The following BCL6 variants were observed in gnomAD, a reference collection of about 807,000 sequenced individuals.
BCL6 encodes the protein B-cell lymphoma 6 protein.
Under a neutral mutation model 59.5 loss-of-function variants are expected in BCL6, and 7 were observed. The observed-to-expected ratio is 0.12, with a 90% confidence interval of 0.07 to 0.22. The LOEUF (loss-of-function observed/expected upper bound fraction) is 0.22. BCL6 is among the 10% of genes least tolerant of loss of function. The pLI, the probability that BCL6 is intolerant of heterozygous loss-of-function variation, is 1.00. For missense variants in BCL6, 685 were observed against 939.4 expected (o/e 0.73, Z 3.54); for synonymous variants, 339 against 349.7 (o/e 0.97, Z 0.34).
chr3:187,731,577 G>A lies in BCL6; in HGVS notation c.383+132C>T, dbSNP rs1719044343. 3.4e-6 allele frequency: 3 copies of A among 871,148 alleles called. No individual in the cohort carries two copies. In the Admixed American group the frequency reaches 6.4e-5, roughly 19 times the overall value. 54.0% of individuals were successfully genotyped at this position (871,148 alleles called of 1,614,324 possible). ...CAAGAGTTAAGAAGAGCAGAAGTGT[G>A]CAACAAGAGTGGAAATGTGGGTTGC... On this transcript the variant is annotated intron_variant, in intron 4 of 9. Transcript: ENST00000406870.
chr3:187,721,672 AC>A lies in BCL6; in HGVS notation c.*785del. The A allele has an allele frequency of 4.3e-6, 1 of 232,910 alleles. No individual in the cohort carries two copies. The highest frequency in any genetic ancestry group is 8.5e-6 in the Non-Finnish European group (1 of 117,614). The allele number at this position is 232,910 out of a possible 1,614,324, so 14.4% of individuals were successfully genotyped here. On this transcript the variant is annotated 3_prime_UTR_variant, in exon 10 of 10. Coordinates refer to ENST00000406870, the MANE Select transcript of BCL6 (RefSeq NM_001706.5). This position sits in a 1 kb window ranked among gnomAD's most constrained non-coding sequence, Gnocchi z 4.2. ...GGGTATATACAAACTGAAAACTAGA[AC>A]AAAATTACACATTTTTCCTTCTGCA...
rs549485096 is a variant in BCL6 at position 187,731,663 on chromosome 3, G to A, written c.383+46C>T. ...GAATTATCAAAGGTTTCTGATCGGG[G>A]ACTATCTCTTCCATCTCCGACGCTT... is the stretch of plus-strand genomic sequence containing the variant. On this transcript the variant is annotated intron_variant, in intron 4 of 9. Transcript: ENST00000406870. 5.3e-5 allele frequency: 83 copies of A among 1,577,160 alleles called. 1 individual carries two copies. The South Asian group carries it at 8.5e-4, about 16-fold the overall frequency.
chr3:187,737,677 C>T (rs1474066766), intron 1 of BCL6: 2 of 151,942 alleles, frequency 1.3e-5, no homozygotes, highest in African/African-American at 2.4e-5. Context: ...TGTGGTATGA[C>T]CGTGGCGGCC....
chr3:187,721,395 A>G lies in BCL6; in HGVS notation c.*1063T>C, dbSNP rs1361706518. ...GACCAAGCCAGTTTGACTTTTCAAC[A>G]TTTTATTCTTATATTTGTACAGCTA... On this transcript the variant is annotated 3_prime_UTR_variant, in exon 10 of 10. Coordinates refer to ENST00000406870, the MANE Select transcript of BCL6 (RefSeq NM_001706.5). This position sits in a 1 kb window ranked among gnomAD's most constrained non-coding sequence, Gnocchi z 4.2. 1 of 226,246 alleles carries G rather than the reference A, an allele frequency of 4.4e-6. No homozygotes were observed. Among genetic ancestry groups the G allele is most frequent in the African/African-American group, 2.2e-5 (1 of 45,020 alleles). 14.0% of individuals were successfully genotyped at this position (226,246 alleles called of 1,614,324 possible).
In BCL6 at chr3:187,728,449, T is replaced by G; in HGVS notation, c.1451A>C (p.Gln484Pro). Residue 484 changes from glutamine (Q) to proline (P), a missense_variant, in exon 6 of 10, where the codon CAG (glutamine) becomes CCG (proline). By Grantham distance (76) the Gln-to-Pro change is moderately conservative (BLOSUM62 -1). Coordinates refer to ENST00000406870, the MANE Select transcript of BCL6 (RefSeq NM_001706.5). Reference protein sequence around the residue: ...KCTSCGSQSPQHAEMCLHTAG... With the variant: ...KCTSCGSQSPPHAEMCLHTAG... ...GGTGTGGAGGCACATCTCTGCATGC[T>G]GTGGGGACTGAGAGCCGCAGGACGT... The G allele has an allele frequency of 6.2e-7, 1 of 1,612,556 alleles. No homozygotes were observed. The highest frequency in any genetic ancestry group is 8.5e-7 in the Non-Finnish European group (1 of 1,179,600).
At chr3:187,742,030 G>T (rs1458348111) in intron 1 of BCL6, among the ~76,000 whole-genome samples, 1 of 151,796 alleles carries the variant, frequency 6.6e-6, no homozygotes, top group African/African-American at 2.4e-5. Context: ...CATCCTAGTT[G>T]GAAAGCAACA....
At chr3:187,744,788 G>A (rs1711821201) in intron 1 of BCL6, among the ~76,000 whole-genome samples, 1 of 150,186 alleles carries the variant, frequency 6.7e-6, no homozygotes, top group Admixed American at 6.8e-5. Flanking sequence ...AGGAGGGAGG[G>A]AAGCGGAGGC....
chr3:187,726,077 G>C (rs1228935007), intron 7 of BCL6, among the ~76,000 whole-genome samples: 1 of 152,210 alleles, frequency 6.6e-6, no homozygotes, highest in African/African-American at 2.4e-5. Context: ...GGATAAGACA[G>C]ATTCACTCAT....
chr3:187,731,325 A>AATAGAAGG (rs1366113576), intron 4 of BCL6, among the ~76,000 whole-genome samples: 2 of 152,194 alleles, frequency 1.3e-5, no homozygotes, highest in African/African-American at 2.4e-5. Context: ...CAAATATTAA[A>AATAGAAGG]ATAGAAGGAA....
chr3:187,727,714 G>C (rs1718791086), intron 6 of BCL6, among the ~76,000 whole-genome samples: 1 of 152,172 alleles, frequency 6.6e-6, no homozygotes, highest in Admixed American at 6.5e-5. Context: ...TTCATTTGTT[G>C]TAACAATTTG....
intron 3 of BCL6, among the ~76,000 whole-genome samples, chr3:187,732,592 G>T (rs1264828393): frequency 6.6e-6 from 1 of 152,136 alleles, no homozygotes; most frequent in South Asian, 2.1e-4. Flanking sequence ...TACTTTTTCT[G>T]AGTGGGTTGC....
chr3:187,744,902 G>T (rs546784561), intron 1 of BCL6, among the ~76,000 whole-genome samples: 1 of 152,146 alleles, frequency 6.6e-6, no homozygotes, highest in East Asian at 1.9e-4. Context: ...AGCAGCAGCA[G>T]AAAGAGCGAG....
At chr3:187,744,946 C>T (rs1323778711) in intron 1 of BCL6, among the ~76,000 whole-genome samples, 1 of 152,264 alleles carries the variant, frequency 6.6e-6, no homozygotes, top group East Asian at 1.9e-4. Context: ...CGGTCTGGGG[C>T]CAGACAGCCC....
chr3:187,731,210 T>A (rs1719023608), intron 4 of BCL6, among the ~76,000 whole-genome samples: 2 of 151,990 alleles, frequency 1.3e-5, no homozygotes, highest in Admixed American at 1.3e-4. Flanking sequence ...AAAAGGTGAG[T>A]AAGATAGCCC....
At position 187,729,301 on chromosome 3, in the gene BCL6, A is replaced by C; in HGVS notation, c.1104T>G (p.Thr368=). The change falls in exon 5 of 10, where the codon ACT becomes ACG. Residue 368 remains threonine, a synonymous_variant. Coordinates refer to ENST00000406870, the MANE Select transcript of BCL6 (RefSeq NM_001706.5). The surrounding 1 kb of genome is among the most constrained non-coding windows in gnomAD (Gnocchi z 5.6). The stretch of plus-strand genomic sequence containing the variant: ...TCTTCCAGTTGCAGGCTTTGGGGTC[A>C]GTGGGGCTCTTGGCTGGAGGGGAGC... The part of the protein sequence containing the change: ...ASGSPPAKSP[T]DPKACNWKKY... 6.2e-7 allele frequency: 1 copy of C among 1,614,104 alleles called. No individual in the cohort carries two copies. Among genetic ancestry groups the C allele is most frequent in the Non-Finnish European group, 8.5e-7 (1 of 1,180,028 alleles).
intron 5 of BCL6, among the ~76,000 whole-genome samples, chr3:187,728,832 A>G (rs1401918288): frequency 6.6e-6 from 1 of 152,214 alleles, no homozygotes; most frequent in Non-Finnish European, 1.5e-5. Flanking sequence ...TGGGATTTAC[A>G]GAATGCTATT....
At chr3:187,730,441 T>C (rs896001337) in intron 4 of BCL6, among the ~76,000 whole-genome samples, 1 of 152,228 alleles carries the variant, frequency 6.6e-6, no homozygotes, top group African/African-American at 2.4e-5. Context: ...ATTTTACACA[T>C]AGGGAAACAG....
At chr3:187,744,518 T>G (rs1322106540) in intron 1 of BCL6, among the ~76,000 whole-genome samples, 1 of 151,414 alleles carries the variant, frequency 6.6e-6, no homozygotes, top group African/African-American at 2.4e-5. Context: ...ATTAGGAAGA[T>G]CACGGCTCTG....
At chr3:187,731,622 T>C in intron 4 of BCL6, 87 bp downstream of exon 4, 2 of 1,335,648 alleles carry the variant, frequency 1.5e-6, no homozygotes, top group Non-Finnish European at 1.1e-6. Context: ...TAGAGGAGTA[T>C]TTTTTCTGTA....
Sources: gnomAD v4.1 joint callset for allele counts (sites outside exome capture counted in the v4.1 genomes callset) on GRCh38, gnomAD v4.1.1 for gene constraint, Gnocchi (gnomAD v3.1) non-coding constraint, MANE v1.5 for transcripts, NCBI Gene and HGNC (gene_info 2026-07-23, HGNC 2026-07-21) for gene names.